The following AKAP3 variants were observed in gnomAD, a reference collection of about 807,000 sequenced individuals.
The protein encoded by AKAP3 is A-kinase anchoring protein 3.
A neutral mutation model predicts 57.2 loss-of-function variants in AKAP3; 27 were observed. The ratio of observed to expected loss-of-function variants is 0.47; its 90% confidence interval spans 0.35 to 0.65. The LOEUF (loss-of-function observed/expected upper bound fraction) is 0.65. AKAP3 is among the 30% of genes least tolerant of loss of function. The probability of loss-of-function intolerance (pLI) is 0.01; values close to 1 mark genes in which losing one functional copy is unlikely to be tolerated. For missense variants in AKAP3, 959 were observed against 1,040.0 expected (o/e 0.92, Z 1.07); for synonymous variants, 334 against 392.3 (o/e 0.85, Z 1.76).
In AKAP3 at chr12:4,627,140, T is replaced by C. The variant is rs768885148; in HGVS notation, c.1762A>G (p.Lys588Glu). The change falls in exon 5 of 6, where the codon AAG (lysine) becomes GAG (glutamate). Residue 588 changes from lysine (K) to glutamate (E), a missense_variant. Lys to Glu is a moderately conservative substitution (Grantham distance 56, BLOSUM62 1). Coordinates refer to ENST00000228850, the MANE Select transcript of AKAP3 (RefSeq NM_001278309.2). ...IVGDQEQAEKKDLRSVFFNFI... is the reference protein window; with the variant it reads ...IVGDQEQAEKEDLRSVFFNFI... ...TTAAAGAAAACACTCCTTAGGTCCT[T>C]CTTTTCTGCTTGTTCTTGGTCACCT... 1 of 1,614,154 alleles carries C rather than the reference T, an allele frequency of 6.2e-7. No homozygotes were observed. The highest frequency in any genetic ancestry group is 2.2e-5 in the East Asian group (1 of 44,870).
chr12:4,630,763 T>C (rs1300752966), intron 4 of AKAP3, among the ~76,000 whole-genome samples: 1 of 152,168 alleles, frequency 6.6e-6, no homozygotes, highest in Non-Finnish European at 1.5e-5. Context: ...TAGACACCTA[T>C]AAGGGGAGGG....
intron 4 of AKAP3, among the ~76,000 whole-genome samples, chr12:4,632,592 C>A (rs542135868): frequency 6.6e-6 from 1 of 152,106 alleles, no homozygotes; most frequent in African/African-American, 2.4e-5. Flanking sequence ...GGCTTGACTT[C>A]CTAATCTCAG....
rs541029317 is a variant in AKAP3, at chr12:4,636,152, C to T, written c.96+1949G>A. 12 of 691,712 alleles carry T rather than the reference C, an allele frequency of 1.7e-5. 1 individual carries two copies. The highest frequency in any genetic ancestry group is 1.5e-4 in the African/African-American group (8 of 54,980). 42.8% of individuals were successfully genotyped at this position (691,712 alleles called of 1,614,324 possible). A position where few individuals can be genotyped will look rare whatever the true frequency, so the allele number is the denominator to read the frequency against. ...GAGCCATAGGGTCTTGCTTGCGCCT[C>T]GATTAGCCATGTTCACATTTGAAAT... On this transcript the variant is annotated intron_variant, in intron 4 of 5. Coordinates refer to ENST00000228850, the MANE Select transcript of AKAP3 (RefSeq NM_001278309.2).
At chr12:4,636,297 AT>A (rs1245310543) in intron 4 of AKAP3, among the ~76,000 whole-genome samples, 1 of 152,248 alleles carries the variant, frequency 6.6e-6, no homozygotes, top group Non-Finnish European at 1.5e-5. Flanking sequence ...AGCCCCAGGC[AT>A]GGCCCGTAGG....
chr12:4,617,644 C>T (rs149803818), intron 5 of AKAP3, among the ~76,000 whole-genome samples: 30 of 151,372 alleles, frequency 2.0e-4, no homozygotes, highest in African/African-American at 5.3e-4. Flanking sequence ...CCCAGCTACT[C>T]GAGAGGCGGA....
In AKAP3 at chr12:4,628,527, G is replaced by A; in HGVS notation, c.375C>T (p.Ser125=). ...GATTCGTGAGGCGGTTAGCATAGAAGGAAACTTCATCTACTGAACTCCCGT... is the reference window on the plus strand; with the variant it reads ...GATTCGTGAGGCGGTTAGCATAGAAAGAAACTTCATCTACTGAACTCCCGT... ...LGNGSSVDEV[S]FYANRLTNLV... is the part of the protein sequence containing the mutation. The change falls in exon 5 of 6, where the codon TCC becomes TCT. Residue 125 remains serine, a synonymous_variant. Transcript: ENST00000228850. 6.2e-7 allele frequency: 1 copy of A among 1,614,152 alleles called. No homozygotes were observed. The highest frequency in any genetic ancestry group is 8.5e-7 in the Non-Finnish European group (1 of 1,180,012).
At chr12:4,647,548 A>G (rs891051862) in intron 1 of AKAP3, among the ~76,000 whole-genome samples, 17 of 152,230 alleles carry the variant, frequency 1.1e-4, no homozygotes, top group Non-Finnish European at 1.9e-4. Flanking sequence ...TACACCATGC[A>G]ACCTTGAAAC....
chr12:4,633,002 C>T (rs532840490), intron 4 of AKAP3, among the ~76,000 whole-genome samples: 96 of 151,974 alleles, frequency 6.3e-4, no homozygotes, highest in African/African-American at 2.1e-3. Flanking sequence ...TAGTTATTTA[C>T]GAATAAGCAC....
At chr12:4,628,922 G>A in intron 4 of AKAP3, 117 bp from the exon 5 acceptor site, 1 of 1,047,260 alleles carries the variant, frequency 9.5e-7, no homozygotes. Flanking sequence ...CTCCATCTTG[G>A]CAATAAAAGT....
intron 4 of AKAP3, 68 bp downstream of exon 4, chr12:4,638,033 A>G: frequency 7.7e-7 from 1 of 1,306,382 alleles, no homozygotes; most frequent in South Asian, 1.2e-5. Context: ...TGGTGGAGAG[A>G]ATAAGGCTAC....
In AKAP3 at chr12:4,649,028, T is replaced by G; in HGVS notation, c.-528A>C. The G allele has an allele frequency of 7.2e-7, 1 of 1,393,860 alleles. No individual in the cohort carries two copies. The highest frequency in any genetic ancestry group is 9.9e-7 in the Non-Finnish European group (1 of 1,007,648). The allele number at this position is 1,393,860 out of a possible 1,614,324, so 86.3% of individuals were successfully genotyped here. A position where few individuals can be genotyped will look rare whatever the true frequency, so the allele number is the denominator to read the frequency against. The stretch of plus-strand genomic sequence containing the variant: ...CAATCTACCCGAAACCGTCGTTTCT[T>G]GGTTAGCGCTTGCGCAGACAGGCGA... On this transcript the variant is annotated 5_prime_UTR_variant, in exon 1 of 6. Coordinates refer to ENST00000228850, the MANE Select transcript of AKAP3 (RefSeq NM_001278309.2).
At chr12:4,631,205 T>G (rs577459063) in intron 4 of AKAP3, 10 of 549,548 alleles carry the variant, frequency 1.8e-5, no homozygotes, top group Middle Eastern at 2.8e-4. Context: ...AAATTTGATT[T>G]TATGTCTGAC....
chr12:4,615,775 C>G lies in AKAP3; in HGVS notation c.2526G>C (p.Pro842=), dbSNP rs574859531. ...CCATCAGCCAGTCCAGCAGCTGCAG[C>G]GGTGTGACATTCCCCACCGCCTCAT... The part of the protein sequence containing the change: ...QLNEAVGNVT[P]LQLLDWLMVN... The change falls in exon 6 of 6, where the codon CCG becomes CCC. Residue 842 remains proline (P), a synonymous_variant. Transcript: ENST00000228850. The G allele has an allele frequency of 1.1e-5, 18 of 1,614,004 alleles. No individual in the cohort carries two copies. The highest frequency in any genetic ancestry group is 1.4e-5 in the Non-Finnish European group (16 of 1,180,002).
Position 4,648,925 on chromosome 12 carries a change from T to G in AKAP3, c.-425A>C. 4 of 617,152 alleles carry G rather than the reference T, an allele frequency of 6.5e-6. No individual in the cohort carries two copies. The highest frequency in any genetic ancestry group is 2.8e-6 in the Non-Finnish European group (1 of 352,742). 38.2% of individuals were successfully genotyped at this position (617,152 alleles called of 1,614,324 possible). On this transcript the variant is annotated 5_prime_UTR_variant, in exon 1 of 6. Coordinates refer to ENST00000228850, the MANE Select transcript of AKAP3 (RefSeq NM_001278309.2). ...TAGCCTATACAGCCTATTCCAGATC[T>G]GAGATTCCAACAGCCAAAGTCTTTT...
chr12:4,628,569 G>A lies in AKAP3; in HGVS notation c.333C>T (p.Pro111=). The stretch of plus-strand genomic sequence containing the variant: ...AACTCCCGTTGCCAAGTTGGGCCCT[G>A]GGGCCCTGGCAAGGAATCTCTTTGT... ...MTHKEIPCQG[P]RAQLGNGSSV... The change falls in exon 5 of 6, where the codon CCC becomes CCT. Residue 111 remains proline (P), a synonymous_variant. Transcript: ENST00000228850. 1 of 1,612,338 alleles carries A rather than the reference G, an allele frequency of 6.2e-7. No individual in the cohort carries two copies. Among genetic ancestry groups the A allele is most frequent in the South Asian group, 1.1e-5 (1 of 90,992 alleles).
In AKAP3 at chr12:4,628,571, G is replaced by A. The variant is rs1945457487; in HGVS notation, c.331C>T (p.Pro111Ser). Reference protein sequence around the residue: ...MTHKEIPCQGPRAQLGNGSSV... With the variant: ...MTHKEIPCQGSRAQLGNGSSV... ...CTCCCGTTGCCAAGTTGGGCCCTGGGGCCCTGGCAAGGAATCTCTTTGTGA... is the reference window on the plus strand; with the variant it reads ...CTCCCGTTGCCAAGTTGGGCCCTGGAGCCCTGGCAAGGAATCTCTTTGTGA... Residue 111 changes from proline to serine, a missense_variant, in exon 5 of 6, where the codon CCC (proline) becomes TCC (serine). By Grantham distance (74) the Pro-to-Ser change is moderately conservative (BLOSUM62 -1). Transcript: ENST00000228850. 6.2e-7 allele frequency: 1 copy of A among 1,614,200 alleles called. No homozygotes were observed. Among genetic ancestry groups the A allele is most frequent in the African/African-American group, 1.3e-5 (1 of 75,072 alleles).
At chr12:4,636,738 T>C (rs1360284595) in intron 4 of AKAP3, among the ~76,000 whole-genome samples, 1 of 152,220 alleles carries the variant, frequency 6.6e-6, no homozygotes, top group Non-Finnish European at 1.5e-5. Flanking sequence ...TGCAAATAAA[T>C]GTTTGATAAA....
At chr12:4,634,746 AC>A (rs5796119) in intron 4 of AKAP3, among the ~76,000 whole-genome samples, 110,709 of 137,222 alleles carry the variant, frequency 0.81, 42,237 homozygotes, top group Middle Eastern at 0.87. Context: ...TTAAAAAAAA[AC>A]ACACACACAC....
Position 4,627,695 on chromosome 12 carries a change from T to C in AKAP3, c.1207A>G (p.Ser403Gly). 6.2e-7 allele frequency: 1 copy of C among 1,614,134 alleles called. No individual in the cohort carries two copies. Among genetic ancestry groups the C allele is most frequent in the East Asian group, 2.2e-5 (1 of 44,890 alleles). ...HVRKAQDKAE[S>G]YSLISMKGMG... ...CCTTTCATGGAGATGAGGGAATAAC[T>C]CTCAGCCTTGTCTTGGGCTTTCCTG... The change falls in exon 5 of 6, where the codon AGT becomes GGT. Residue 403 changes from serine (S) to glycine (G), a missense_variant. By Grantham distance (56) the Ser-to-Gly change is moderately conservative. Transcript: ENST00000228850.
Sources: gnomAD v4.1 joint callset for allele counts (sites outside exome capture counted in the v4.1 genomes callset) on GRCh38, gnomAD v4.1.1 for gene constraint, MANE v1.5 for transcripts, NCBI Gene and HGNC (gene_info 2026-07-23, HGNC 2026-07-21) for gene names.